The following UBE2E2 variants were observed in gnomAD, a reference collection of about 807,000 sequenced individuals.
UBE2E2 encodes ubiquitin conjugating enzyme E2 E2, also known as ubiquitin-conjugating enzyme E2 E2.
UBE2E2 carries 6 observed loss-of-function variants against 24.7 expected under a neutral mutation model. That is an observed-to-expected ratio of 0.24 (90% CI 0.13 to 0.48). UBE2E2 has a LOEUF of 0.48. UBE2E2 is among the 20% of genes least tolerant of loss of function. The pLI is 0.99. For synonymous variants in UBE2E2, 104 were observed against 83.6 expected, an observed-to-expected ratio of 1.24 and a Z score of -1.33; for missense variants, 169 against 245.0, an observed-to-expected ratio of 0.69 and a Z score of 2.07.
intron 3 of UBE2E2, among the ~76,000 whole-genome samples, chr3:23,243,264 A>C (rs1697304105): frequency 6.6e-6 from 1 of 152,298 alleles, no homozygotes; most frequent in Non-Finnish European, 1.5e-5. Context: ...CAATATGGAC[A>C]AACAATACTA....
chr3:23,276,100 C>T (rs1698370293), intron 3 of UBE2E2, among the ~76,000 whole-genome samples: 1 of 151,678 alleles, frequency 6.6e-6, no homozygotes, highest in Admixed American at 6.6e-5. Context: ...GCTTGTGATG[C>T]CAGTGAAAGT....
intron 3 of UBE2E2, among the ~76,000 whole-genome samples, chr3:23,327,794 A>C (rs897030328): frequency 1.3e-5 from 2 of 152,194 alleles, no homozygotes; most frequent in Non-Finnish European, 2.9e-5. Context: ...GGTTCAGACA[A>C]AACTTCTGTG....
intron 3 of UBE2E2, among the ~76,000 whole-genome samples, chr3:23,350,254 AC>A (rs1442203511): frequency 1.3e-5 from 2 of 152,194 alleles, no homozygotes; most frequent in Non-Finnish European, 2.9e-5. Flanking sequence ...ATCATCAAAG[AC>A]CAAAAGTAGA....
chr3:23,284,638 G>A (rs918895357), intron 3 of UBE2E2, among the ~76,000 whole-genome samples: 1 of 151,764 alleles, frequency 6.6e-6, no homozygotes, highest in Non-Finnish European at 1.5e-5. Context: ...TTTAATGGGG[G>A]AGTATTTGTC....
chr3:23,203,415 C>T lies in UBE2E2; in HGVS notation c.-58C>T, dbSNP rs1426883752. On this transcript the variant is annotated 5_prime_UTR_variant, in exon 1 of 6. Transcript: ENST00000396703. ...CCCCCTCGCGCCTGGGCAGCTCTCTCCCAGGGCTTCGGCTCGAGCCTGCGA... is the reference window on the plus strand; with the variant it reads ...CCCCCTCGCGCCTGGGCAGCTCTCTTCCAGGGCTTCGGCTCGAGCCTGCGA... The T allele has an allele frequency of 4.1e-6, 4 of 984,572 alleles. No homozygotes were observed. In the South Asian group the frequency reaches 1.4e-4, roughly 35 times the overall value. 61.0% of individuals were successfully genotyped at this position (984,572 alleles called of 1,614,324 possible).
At chr3:23,458,921 A>G (rs1275362062) in intron 3 of UBE2E2, among the ~76,000 whole-genome samples, 1 of 152,240 alleles carries the variant, frequency 6.6e-6, no homozygotes, top group African/African-American at 2.4e-5. Context: ...ACAAAGGGCA[A>G]TAAAACACGG....
At chr3:23,486,960 C>G (rs1699386150) in intron 3 of UBE2E2, among the ~76,000 whole-genome samples, 2 of 152,228 alleles carry the variant, frequency 1.3e-5, no homozygotes, top group Admixed American at 1.3e-4. Context: ...GGGGTCCCAC[C>G]ACCTCCCACA....
intron 3 of UBE2E2, among the ~76,000 whole-genome samples, chr3:23,271,987 G>T (rs1698255997): frequency 6.6e-6 from 1 of 152,210 alleles, no homozygotes; most frequent in East Asian, 1.9e-4. Flanking sequence ...TCCCGCGCCA[G>T]GGCCGTGGGT....
intron 3 of UBE2E2, among the ~76,000 whole-genome samples, chr3:23,456,721 G>A (rs1029368179): frequency 6.6e-6 from 1 of 152,208 alleles, no homozygotes; most frequent in Non-Finnish European, 1.5e-5. Context: ...GCTTTATATA[G>A]CGTAGGTAAA....
chr3:23,236,804 T>C (rs960714943), intron 3 of UBE2E2, among the ~76,000 whole-genome samples: 1 of 152,144 alleles, frequency 6.6e-6, no homozygotes, highest in Non-Finnish European at 1.5e-5. Context: ...TGTCTCTCTA[T>C]CTCTTCATGA....
At chr3:23,362,667 A>G (rs1483982837) in intron 3 of UBE2E2, among the ~76,000 whole-genome samples, 12 of 152,120 alleles carry the variant, frequency 7.9e-5, no homozygotes, top group Non-Finnish European at 1.5e-5. Flanking sequence ...AATGCCTGCT[A>G]GAGTTTCTGG....
intron 3 of UBE2E2, among the ~76,000 whole-genome samples, chr3:23,343,036 T>G (rs1695442259): frequency 1.3e-5 from 2 of 152,116 alleles, no homozygotes; most frequent in African/African-American, 4.8e-5. Flanking sequence ...TGAAAAACTC[T>G]TAAAACTTAC....
intron 3 of UBE2E2, among the ~76,000 whole-genome samples, chr3:23,482,326 A>G (rs180921713): frequency 1.3e-3 from 192 of 152,320 alleles, no homozygotes; most frequent in African/African-American, 4.5e-3. Context: ...GTTTATGAAT[A>G]TACCAAAAGC....
intron 3 of UBE2E2, among the ~76,000 whole-genome samples, chr3:23,354,178 A>C (rs908780367): frequency 6.6e-6 from 1 of 152,088 alleles, no homozygotes; most frequent in Non-Finnish European, 1.5e-5. Flanking sequence ...AAAACTGGCT[A>C]GCCATATGTA....
chr3:23,561,428 T>A (rs963072610), intron 5 of UBE2E2, among the ~76,000 whole-genome samples: 15 of 152,196 alleles, frequency 9.9e-5, no homozygotes, highest in African/African-American at 3.6e-4. Context: ...TCCATTGGTC[T>A]ATATCTCTGT....
At chr3:23,393,051 A>G (rs543845942) in intron 3 of UBE2E2, among the ~76,000 whole-genome samples, 1 of 152,330 alleles carries the variant, frequency 6.6e-6, no homozygotes, top group Admixed American at 6.5e-5. Flanking sequence ...TCATAAAAGC[A>G]AGAAAGTGAC....
At position 23,588,190 on chromosome 3, in the gene UBE2E2, C is replaced by G. The variant is rs528001373; in HGVS notation, c.509-1544C>G. ...ATATTCTCTACTATTTTTTTCCTAC[C>G]AAACATTAGCTTTTGATGATTTTTC... is the stretch of plus-strand genomic sequence containing the variant. On this transcript the variant is annotated intron_variant, in intron 5 of 5. Coordinates refer to ENST00000396703, the MANE Select transcript of UBE2E2 (RefSeq NM_152653.4). Among the ~76,000 whole-genome samples, 74 of 152,194 alleles carry G rather than the reference C, an allele frequency of 4.9e-4. No homozygotes were observed. In the South Asian group the frequency reaches 7.5e-3, roughly 15 times the overall value.
intron 3 of UBE2E2, among the ~76,000 whole-genome samples, chr3:23,237,650 T>C (rs184368566): frequency 6.6e-6 from 1 of 152,272 alleles, no homozygotes. Context: ...AACATTTTTT[T>C]CTTAAAATGA....
intron 3 of UBE2E2, among the ~76,000 whole-genome samples, chr3:23,343,726 G>A (rs901631127): frequency 3.3e-5 from 5 of 152,048 alleles, no homozygotes; most frequent in African/African-American, 1.2e-4. Context: ...AGGAGACCTC[G>A]TGCCTCCTTC....
Sources: gnomAD v4.1 joint callset for allele counts (sites outside exome capture counted in the v4.1 genomes callset) on GRCh38, gnomAD v4.1.1 for gene constraint, MANE v1.5 for transcripts, NCBI Gene and HGNC (gene_info 2026-07-23, HGNC 2026-07-21) for gene names.